KICS2: variants seen among roughly 807,000 people sequenced by gnomAD.
KICS2 encodes the protein KICSTOR subunit 2, also known as KICSTOR complex protein C12orf66.
A neutral mutation model predicts 31.4 loss-of-function variants in KICS2; 13 were observed. That is an observed-to-expected ratio of 0.41 (90% CI 0.27 to 0.66). KICS2 has a LOEUF of 0.66. KICS2 is among the 30% of genes least tolerant of loss of function. The probability of loss-of-function intolerance (pLI) is 0.28; values close to 1 mark genes in which losing one functional copy is unlikely to be tolerated. For synonymous variants in KICS2, 209 were observed against 214.8 expected (o/e 0.97, Z 0.24); for missense variants, 455 against 545.4 (o/e 0.83, Z 1.65).
At chr12:64,202,205 G>A (rs2037496794) in intron 2 of KICS2, among the ~76,000 whole-genome samples, 1 of 152,122 alleles carries the variant, frequency 6.6e-6, no homozygotes. Flanking sequence ...AGGAGTTCAT[G>A]AGACAGCCTG....
chr12:64,190,745 C>CA (rs200719134), downstream of KICS2, among the ~76,000 whole-genome samples: 256 of 138,426 alleles, frequency 1.8e-3, 1 homozygote, highest in South Asian at 4.0e-3. Context: ...CTTGCCTTTT[C>CA]AAAAAAAAAA....
intron 2 of KICS2, among the ~76,000 whole-genome samples, chr12:64,206,538 G>A (rs1295436203): frequency 2.0e-5 from 3 of 152,174 alleles, no homozygotes; most frequent in Admixed American, 1.3e-4. Flanking sequence ...TTCAGAGGAA[G>A]GAACAATTCC....
chr12:64,193,177 G>T lies in KICS2; in HGVS notation c.*665C>A. On this transcript the variant is annotated 3_prime_UTR_variant, in exon 3 of 3. Coordinates refer to ENST00000398055, the MANE Select transcript of KICS2 (RefSeq NM_152440.5). ...AAGAAGTCAAAACAAATGCAGTTAG[G>T]TGTGTACATTACCCCAAAAGAACCC... The T allele has an allele frequency of 1.0e-6, 1 of 985,440 alleles. No homozygotes were observed. Among genetic ancestry groups the T allele is most frequent in the Non-Finnish European group, 1.2e-6 (1 of 829,978 alleles). The allele number at this position is 985,440 out of a possible 1,614,324, so 61.0% of individuals were successfully genotyped here.
At chr12:64,198,020 C>A (rs2037457186) in intron 2 of KICS2, among the ~76,000 whole-genome samples, 1 of 106,780 alleles carries the variant, frequency 9.4e-6, no homozygotes, top group Admixed American at 1.0e-4. Flanking sequence ...TAACACCCCA[C>A]TGTCAACATT....
Position 64,194,473 on chromosome 12 carries a change from G to C in KICS2, c.707C>G (p.Thr236Ser). The C allele has an allele frequency of 1.9e-6, 3 of 1,614,152 alleles. No individual in the cohort carries two copies. Among genetic ancestry groups the C allele is most frequent in the Non-Finnish European group, 2.5e-6 (3 of 1,180,030 alleles). The change falls in exon 3 of 3, where the codon ACC becomes AGC. Residue 236 changes from threonine to serine, a missense_variant. By Grantham distance (58) the Thr-to-Ser change is moderately conservative. Transcript: ENST00000398055. Reference sequence around the variant, plus strand: ...CTGCCCTCCAAACAGATGTTTCTTGGTCTCCCGCTGTTTCTCAAAGATCTG... The same window carrying C: ...CTGCCCTCCAAACAGATGTTTCTTGCTCTCCCGCTGTTTCTCAAAGATCTG... ...WGQIFEKQRETKKHLFGGQSQ... is the reference protein window; with the variant it reads ...WGQIFEKQRESKKHLFGGQSQ...
intron 2 of KICS2, among the ~76,000 whole-genome samples, chr12:64,212,517 T>C (rs1482058747): frequency 6.6e-6 from 1 of 152,250 alleles, no homozygotes; most frequent in Non-Finnish European, 1.5e-5. Flanking sequence ...TTCATTCCTT[T>C]TTATTGCTGA....
rs770099991 is a variant in KICS2, at chr12:64,194,598, C to T, written c.582G>A (p.Leu194=). The T allele has an allele frequency of 2.5e-6, 4 of 1,614,136 alleles. No individual in the cohort carries two copies. The highest frequency in any genetic ancestry group is 2.2e-5 in the East Asian group (1 of 44,884). Residue 194 remains leucine (L), a synonymous_variant, in exon 3 of 3, where the codon CTG becomes CTA. Coordinates refer to ENST00000398055, the MANE Select transcript of KICS2 (RefSeq NM_152440.5). ...GGGCCTGGGCTTTCAGGAGATGACA[C>T]AGGACGTCAACTTCCAGCTGGAAAC... ...ESSFQLEVDV[L]CHLLKAQAQV...
chr12:64,187,329 C>T (rs1230669438), downstream of KICS2: 5 of 397,444 alleles, frequency 1.3e-5, no homozygotes, highest in Admixed American at 8.5e-5. Context: ...ACTTAGAACC[C>T]TAACCCCAGA....
rs1182176236 is a variant in KICS2 at position 64,215,743 on chromosome 12, C to G, written c.456G>C (p.Gln152His). 1.2e-6 allele frequency: 2 copies of G among 1,613,966 alleles called. No individual in the cohort carries two copies. Among genetic ancestry groups the G allele is most frequent in the African/African-American group, 1.3e-5 (1 of 74,910 alleles). ...FYEKMYTLST[Q>H]KFINAEELVG... Reference sequence around the variant, plus strand: ...CGAGCTCTTCAGCATTGATGAACTTCTGTGTGCTGAGGGTGTACATCTTCT... The same window carrying G: ...CGAGCTCTTCAGCATTGATGAACTTGTGTGTGCTGAGGGTGTACATCTTCT... Residue 152 changes from glutamine (Q) to histidine (H), a missense_variant, in exon 2 of 3, where the codon CAG becomes CAC. Gln to His is a conservative substitution (Grantham distance 24). Coordinates refer to ENST00000398055, the MANE Select transcript of KICS2 (RefSeq NM_152440.5).
At position 64,191,446 on chromosome 12, in the gene KICS2, C is replaced by G. The variant is rs2037378136; in HGVS notation, c.*2396G>C. On this transcript the variant is annotated 3_prime_UTR_variant, in exon 3 of 3. Coordinates refer to ENST00000398055, the MANE Select transcript of KICS2 (RefSeq NM_152440.5). ...TGGTTATTTAAATAACATATATATG[C>G]TTTACTTACACCTCTCTCGGGGTTC... The G allele has an allele frequency of 6.6e-6, 1 of 152,082 alleles. No individual in the cohort carries two copies. Among genetic ancestry groups the G allele is most frequent in the Middle Eastern group, 3.4e-3 (1 of 294 alleles). The allele number at this position is 152,082 out of a possible 1,614,324, so 9.4% of individuals were successfully genotyped here.
At position 64,215,825 on chromosome 12, in the gene KICS2, A is replaced by G. The variant is rs1205059652; in HGVS notation, c.374T>C (p.Leu125Pro). The part of the protein sequence containing the change: ...APHVEELLSH[L>P]SEQLCFFVQA... ...AACAAAGAAGCAGAGCTGCTCTGAC[A>G]GGTGGGAAAGGAGTTCTTCCACGTG... is the stretch of plus-strand genomic sequence containing the variant. The change falls in exon 2 of 3, where the codon CTG becomes CCG. Residue 125 changes from leucine (L) to proline (P), a missense_variant. Physicochemically the swap from Leu to Pro is moderately conservative, Grantham distance 98 (BLOSUM62 -3). Coordinates refer to ENST00000398055, the MANE Select transcript of KICS2 (RefSeq NM_152440.5). 4.3e-6 allele frequency: 7 copies of G among 1,613,920 alleles called. No homozygotes were observed. Among genetic ancestry groups the G allele is most frequent in the Non-Finnish European group, 5.9e-6 (7 of 1,180,002 alleles).
chr12:64,203,453 T>G (rs2037508756), intron 2 of KICS2, among the ~76,000 whole-genome samples: 1 of 152,316 alleles, frequency 6.6e-6, no homozygotes, highest in Non-Finnish European at 1.5e-5. Flanking sequence ...CTGCAGAGGC[T>G]GCGGAAATCA....
chr12:64,207,597 T>G (rs955576854), intron 2 of KICS2, among the ~76,000 whole-genome samples: 1 of 152,208 alleles, frequency 6.6e-6, no homozygotes, highest in African/African-American at 2.4e-5. Flanking sequence ...TTGGTCATAC[T>G]TTTGCACTTT....
Position 64,194,574 on chromosome 12 carries a change from G to A in KICS2, c.606C>T (p.Ala202=), listed in dbSNP as rs1357867592. The A allele has an allele frequency of 3.1e-6, 5 of 1,613,978 alleles. No homozygotes were observed. In the Admixed American group the frequency reaches 8.3e-5, roughly 27 times the overall value. The change falls in exon 3 of 3, where the codon GCC becomes GCT. Residue 202 remains alanine (A), a synonymous_variant. Coordinates refer to ENST00000398055, the MANE Select transcript of KICS2 (RefSeq NM_152440.5). ...DVLCHLLKAQ[A]QVSEWKFLPS... is the part of the protein sequence containing the mutation. ...GGAGGAACTTCCACTCTGAGACCTG[G>A]GCCTGGGCTTTCAGGAGATGACACA...
At chr12:64,208,302 C>G (rs565428193) in intron 2 of KICS2, among the ~76,000 whole-genome samples, 4 of 152,352 alleles carry the variant, frequency 2.6e-5, no homozygotes, top group East Asian at 3.9e-4. Flanking sequence ...AGACACTGCG[C>G]CTGGCCCTTT....
At chr12:64,216,146 TATCATAAATACTTTATGATA>T (rs6144746) in intron 1 of KICS2, among the ~76,000 whole-genome samples, 183 bp from the exon 2 acceptor site, 14 of 145,078 alleles carry the variant, frequency 9.6e-5, no homozygotes, top group African/African-American at 3.6e-4. Flanking sequence ...ACTTTATGAT[TATCATAAATACTTTATGATA>T]ATCATAAATA....
At chr12:64,204,864 G>A (rs2136697278) in intron 2 of KICS2, 1 of 151,986 alleles carries the variant, frequency 6.6e-6, no homozygotes, top group East Asian at 1.9e-4. Context: ...CCTATACAAG[G>A]ATAACACTTT....
Position 64,193,578 on chromosome 12 carries a change from G to A in KICS2, c.*264C>T. 2 of 1,196,758 alleles carry A rather than the reference G, an allele frequency of 1.7e-6. No homozygotes were observed. The highest frequency in any genetic ancestry group is 1.0e-6 in the Non-Finnish European group (1 of 965,530). The allele number at this position is 1,196,758 out of a possible 1,614,324, so 74.1% of individuals were successfully genotyped here. On this transcript the variant is annotated 3_prime_UTR_variant, in exon 3 of 3. Transcript: ENST00000398055. ...AAATATTCAATCTACAAGAAATATA[G>A]CAAAATAGGGGAAAATACTGAAACT...
chr12:64,193,372 C>A lies in KICS2; in HGVS notation c.*470G>T. 1.0e-6 allele frequency: 1 copy of A among 985,640 alleles called. No homozygotes were observed. Among genetic ancestry groups the A allele is most frequent in the Admixed American group, 6.1e-5 (1 of 16,324 alleles). The allele number at this position is 985,640 out of a possible 1,614,324, so 61.1% of individuals were successfully genotyped here. On this transcript the variant is annotated 3_prime_UTR_variant, in exon 3 of 3. Transcript: ENST00000398055. ...ATCAGAATCATAAATCTACTAACTC[C>A]ATATTCATTTGCTAATTTATGAGAC...
Sources: gnomAD v4.1 joint callset for allele counts (sites outside exome capture counted in the v4.1 genomes callset) on GRCh38, gnomAD v4.1.1 for gene constraint, MANE v1.5 for transcripts, NCBI Gene and HGNC (gene_info 2026-07-23, HGNC 2026-07-21) for gene names.